The following ADCK1 variants were observed in gnomAD, a reference collection of about 807,000 sequenced individuals.
ADCK1 encodes aarF domain containing kinase 1.
Under a neutral mutation model 52.3 loss-of-function variants are expected in ADCK1, and 41 were observed. The observed-to-expected ratio is 0.78, with a 90% CI of 0.61 to 1.02. ADCK1 has a LOEUF of 1.02. ADCK1 is among the 50% of genes least tolerant of loss of function. ADCK1 has a pLI of 0.00. For missense variants in ADCK1, 658 were observed against 679.5 expected (o/e 0.97, Z 0.35); for synonymous variants, 250 against 274.6 (o/e 0.91, Z 0.89).
At chr14:77,903,509 G>A (rs998521806) in intron 6 of ADCK1, among the ~76,000 whole-genome samples, 1 of 152,238 alleles carries the variant, frequency 6.6e-6, no homozygotes, top group African/African-American at 2.4e-5. Context: ...GGGAGAGGGT[G>A]AGGGGGCAGC....
chr14:77,931,827 T>G, intron 10 of ADCK1, 116 bp downstream of exon 10: 1 of 1,061,798 alleles, frequency 9.4e-7, no homozygotes, highest in Non-Finnish European at 1.3e-6. Flanking sequence ...AGCTTCCCAA[T>G]CTCCAGATAT....
rs913331049 is a variant in ADCK1, at chr14:77,859,009, G to A, written c.220-67G>A. On this transcript the variant is annotated intron_variant, in intron 3 of 10. Coordinates refer to ENST00000238561, the MANE Select transcript of ADCK1 (RefSeq NM_020421.4). ...GGGTTTTCAAGCAGAGCAGGAAGGT[G>A]AAGGGAACAAGGTGTAGGGAACAGT... 170 of 1,445,312 alleles carry A rather than the reference G, an allele frequency of 1.2e-4. 1 individual carries two copies. The East Asian group carries it at 3.7e-3, about 31-fold the overall frequency. The allele number at this position is 1,445,312 out of a possible 1,614,324, so 89.5% of individuals were successfully genotyped here.
intron 3 of ADCK1, among the ~76,000 whole-genome samples, chr14:77,827,045 C>G (rs10150706): frequency 0.14 from 21,985 of 151,988 alleles, 1,760 homozygotes; most frequent in African/African-American, 0.19. Flanking sequence ...GTGAATGGAG[C>G]TAGTATTGCA....
intron 3 of ADCK1, among the ~76,000 whole-genome samples, chr14:77,845,561 T>G (rs879844229): frequency 1.3e-5 from 2 of 152,168 alleles, no homozygotes; most frequent in Non-Finnish European, 2.9e-5. Context: ...TAGCTGGGAC[T>G]ACAGGCACAT....
intron 5 of ADCK1, among the ~76,000 whole-genome samples, chr14:77,888,060 A>G (rs752694776): frequency 1.3e-5 from 2 of 152,120 alleles, no homozygotes; most frequent in Non-Finnish European, 2.9e-5. Context: ...CCCCATCTTC[A>G]TCTTGGGGTA....
chr14:77,807,737 G>T (rs144615223), intron 1 of ADCK1, among the ~76,000 whole-genome samples: 162 of 151,836 alleles, frequency 1.1e-3, no homozygotes, highest in African/African-American at 3.6e-3. Context: ...TTGAACTCCC[G>T]ATCTCAGGTG....
chr14:77,921,807 G>A (rs1423664199), intron 7 of ADCK1, among the ~76,000 whole-genome samples: 3 of 151,970 alleles, frequency 2.0e-5, no homozygotes, highest in African/African-American at 7.2e-5. Flanking sequence ...TCAGAGGCAA[G>A]GGCTCCCAAT....
intron 3 of ADCK1, among the ~76,000 whole-genome samples, chr14:77,852,537 T>C (rs2082305051): frequency 6.6e-6 from 1 of 150,968 alleles, no homozygotes; most frequent in Non-Finnish European, 1.5e-5. Context: ...TTTAAAAATA[T>C]TATGTAGCTT....
chr14:77,875,009 GCAGA>G (rs1171717470), intron 4 of ADCK1, among the ~76,000 whole-genome samples: 2 of 152,134 alleles, frequency 1.3e-5, no homozygotes, highest in African/African-American at 4.8e-5. Flanking sequence ...TGGCAGCAGG[GCAGA>G]CAGAGACCCT....
intron 7 of ADCK1, among the ~76,000 whole-genome samples, chr14:77,911,751 C>T (rs185368234): frequency 1.4e-3 from 204 of 148,292 alleles, no homozygotes; most frequent in African/African-American, 4.9e-3. Flanking sequence ...TTTTTTTAAA[C>T]CATTAATGTT....
At chr14:77,857,535 C>T (rs377007454) in intron 3 of ADCK1, among the ~76,000 whole-genome samples, 1 of 152,164 alleles carries the variant, frequency 6.6e-6, no homozygotes, top group African/African-American at 2.4e-5. Flanking sequence ...CTGCCCAACA[C>T]CCATACTGGC....
At chr14:77,864,237 A>G (rs2082615086) in intron 4 of ADCK1, among the ~76,000 whole-genome samples, 3 of 152,160 alleles carry the variant, frequency 2.0e-5, no homozygotes, top group Non-Finnish European at 4.4e-5. Context: ...ATTCATATCC[A>G]GTTGTTTTGT....
At position 77,819,092 on chromosome 14, in the gene ADCK1, G is replaced by A. The variant is rs769350486; in HGVS notation, c.114G>A (p.Arg38=). The A allele has an allele frequency of 6.2e-7, 1 of 1,610,698 alleles. No individual in the cohort carries two copies. The highest frequency in any genetic ancestry group is 1.3e-5 in the African/African-American group (1 of 74,416). The change falls in exon 2 of 11, where the codon AGG becomes AGA. Residue 38 remains arginine, a synonymous_variant. Coordinates refer to ENST00000238561, the MANE Select transcript of ADCK1 (RefSeq NM_020421.4). ...ACCCTAATGACTTTGGCGCTGTCAG[G>A]GTGGGCAGAGCAGTTGCTACGGTAG... The part of the protein sequence containing the change: ...YLDPNDFGAV[R]VGRAVATTAV...
intron 4 of ADCK1, among the ~76,000 whole-genome samples, chr14:77,866,934 A>T (rs1253827931): frequency 1.3e-5 from 2 of 152,134 alleles, no homozygotes; most frequent in Non-Finnish European, 1.5e-5. Flanking sequence ...CCCGCAGGGG[A>T]GAGATGCCTC....
intron 6 of ADCK1, 117 bp downstream of exon 6, chr14:77,899,375 C>T: frequency 7.5e-7 from 1 of 1,341,648 alleles, no homozygotes; most frequent in Non-Finnish European, 1.0e-6. Context: ...CTTCCTGAGT[C>T]CTCTTACTGA....
chr14:77,858,509 G>A (rs947672389), intron 3 of ADCK1, among the ~76,000 whole-genome samples: 1 of 152,044 alleles, frequency 6.6e-6, no homozygotes, highest in Non-Finnish European at 1.5e-5. Flanking sequence ...CAAAGTGTTG[G>A]GATTACAAGC....
At chr14:77,855,646 T>C (rs1002088443) in intron 3 of ADCK1, among the ~76,000 whole-genome samples, 2 of 152,142 alleles carry the variant, frequency 1.3e-5, no homozygotes, top group Non-Finnish European at 2.9e-5. Flanking sequence ...TTGCGGACAG[T>C]GTGGGCCTGA....
intron 3 of ADCK1, among the ~76,000 whole-genome samples, chr14:77,855,723 C>A (rs1427072677): frequency 6.6e-6 from 1 of 152,016 alleles, no homozygotes; most frequent in East Asian, 1.9e-4. Flanking sequence ...GCCATGGGAC[C>A]CTGCCAAATT....
intron 4 of ADCK1, among the ~76,000 whole-genome samples, chr14:77,862,696 T>C (rs2082577598): frequency 6.6e-6 from 1 of 152,234 alleles, no homozygotes; most frequent in South Asian, 2.1e-4. Flanking sequence ...CACCTTTTCC[T>C]TCATTCCTTC....
Sources: gnomAD v4.1 joint callset for allele counts (sites outside exome capture counted in the v4.1 genomes callset) on GRCh38, gnomAD v4.1.1 for gene constraint, MANE v1.5 for transcripts, NCBI Gene and HGNC (gene_info 2026-07-23, HGNC 2026-07-21) for gene names.